KLF12: variants seen among roughly 807,000 people sequenced by gnomAD.
The protein encoded by KLF12 is KLF transcription factor 12.
Under a neutral mutation model 37.8 loss-of-function variants are expected in KLF12, and 9 were observed. The ratio of observed to expected loss-of-function variants is 0.24; its 90% CI spans 0.14 to 0.42. The LOEUF is 0.42. Ranked by LOEUF, KLF12 falls within the 10% of genes least tolerant of loss-of-function variation. The pLI, the probability that KLF12 is intolerant of heterozygous loss-of-function variation, is 1.00. For synonymous variants in KLF12, 208 were observed against 202.1 expected (o/e 1.03, Z -0.25); for missense variants, 411 against 516.0 (o/e 0.80, Z 1.97).
At chr13:73,809,378 A>G (rs931236254) in intron 5 of KLF12, among the ~76,000 whole-genome samples, 1 of 152,186 alleles carries the variant, frequency 6.6e-6, no homozygotes, top group African/African-American at 2.4e-5. Flanking sequence ...CAAACAGAAA[A>G]AGAAGAAAGA....
intron 1 of KLF12, among the ~76,000 whole-genome samples, chr13:74,016,305 C>T (rs1229153078): frequency 6.6e-6 from 1 of 151,932 alleles, no homozygotes; most frequent in East Asian, 1.9e-4. Flanking sequence ...ATTAGAATGG[C>T]AAAAAGACAA....
the KLF12 span, among the ~76,000 whole-genome samples, chr13:74,147,100 ACTGTGGTT>A: frequency 3.3e-5 from 5 of 152,130 alleles, no homozygotes; most frequent in Admixed American, 1.3e-4. Context: ...TTATACCCTC[ACTGTGGTT>A]CATGGCTAAG....
At chr13:73,703,025 G>A (rs1406077317) in intron 7 of KLF12, among the ~76,000 whole-genome samples, 2 of 152,098 alleles carry the variant, frequency 1.3e-5, no homozygotes, top group African/African-American at 4.8e-5. Flanking sequence ...ATCTGAAAGA[G>A]CACACAGCCA....
In KLF12 at chr13:73,689,678, A is replaced by C. The variant is rs1325821079; in HGVS notation, c.*5812T>G. On this transcript the variant is annotated 3_prime_UTR_variant, in exon 8 of 8. Transcript: ENST00000377669. ...TCAACAGACTTTTTGGGGAGAAATGATTCTGTCAATATTCATTCCAAAATG... is the reference window on the plus strand; with the variant it reads ...TCAACAGACTTTTTGGGGAGAAATGCTTCTGTCAATATTCATTCCAAAATG... The C allele has an allele frequency of 6.6e-6, 1 of 152,166 alleles. No homozygotes were observed. 9.4% of individuals were successfully genotyped at this position (152,166 alleles called of 1,614,324 possible). A position where few individuals can be genotyped will look rare whatever the true frequency, so the allele number is the denominator to read the frequency against.
At chr13:74,046,895 T>C (rs989385581) in intron 1 of KLF12, among the ~76,000 whole-genome samples, 1 of 152,212 alleles carries the variant, frequency 6.6e-6, no homozygotes. Flanking sequence ...ATTATATATC[T>C]TAAATTTTAT....
At chr13:74,099,521 C>T (rs559188124) in intron 1 of KLF12, among the ~76,000 whole-genome samples, 13 of 152,294 alleles carry the variant, frequency 8.5e-5, no homozygotes, top group Admixed American at 7.2e-4. Context: ...TTAGATTCTG[C>T]AACTCTCAGG....
the KLF12 span, among the ~76,000 whole-genome samples, chr13:74,280,441 C>T: frequency 6.6e-6 from 1 of 152,148 alleles, no homozygotes; most frequent in Non-Finnish European, 1.5e-5. Context: ...GCCTTATTAT[C>T]TGATTTACCC....
At position 73,783,405 on chromosome 13, in the gene KLF12, G is replaced by A. The variant is rs147898447; in HGVS notation, c.807-18405C>T. ...TAAACTAAATAGAATAAGTTCCAGC[G>A]TTTGATAGAGCACAGTAGGGTGACT... On this transcript the variant is annotated intron_variant, in intron 5 of 7. Coordinates refer to ENST00000377669, the MANE Select transcript of KLF12 (RefSeq NM_007249.5). 5.3e-3 allele frequency among the ~76,000 whole-genome samples: 799 copies of A among 152,176 alleles called. 9 individuals carry two copies. The highest frequency in any genetic ancestry group is 0.018 in the African/African-American group (756 of 41,530).
rs560704965 is a variant in KLF12, at chr13:73,766,851, A to T, written c.807-1851T>A. Reference sequence around the variant, plus strand: ...AAAAAGAGAGTCTGTTTAATCCATAATTACAACATTGTCTAGGTATTTGTA... The same window carrying T: ...AAAAAGAGAGTCTGTTTAATCCATATTTACAACATTGTCTAGGTATTTGTA... On this transcript the variant is annotated intron_variant, in intron 5 of 7. Coordinates refer to ENST00000377669, the MANE Select transcript of KLF12 (RefSeq NM_007249.5). 3.0e-4 allele frequency among the ~76,000 whole-genome samples: 46 copies of T among 152,290 alleles called. 2 individuals are homozygous for T. The South Asian group carries it at 9.3e-3, about 31-fold the overall frequency.
upstream of KLF12, among the ~76,000 whole-genome samples, chr13:74,135,553 G>T (rs973695031): frequency 1.3e-5 from 2 of 151,152 alleles, no homozygotes; most frequent in African/African-American, 4.8e-5. Flanking sequence ...CGCCGAGCCG[G>T]AGGGTCGGCG....
chr13:74,136,514 GT>G (rs1878559626), upstream of KLF12, among the ~76,000 whole-genome samples: 1 of 152,228 alleles, frequency 6.6e-6, no homozygotes, highest in Admixed American at 6.5e-5. Flanking sequence ...GAAGGATGCT[GT>G]AAGAAATTAT....
intron 1 of KLF12, among the ~76,000 whole-genome samples, chr13:74,118,067 T>A (rs1031837060): frequency 2.0e-5 from 3 of 152,110 alleles, no homozygotes; most frequent in African/African-American, 4.8e-5. Context: ...TCATTACACA[T>A]TGTTAGTTTT....
At chr13:74,000,487 A>C (rs923230071) in intron 1 of KLF12, among the ~76,000 whole-genome samples, 4 of 152,202 alleles carry the variant, frequency 2.6e-5, no homozygotes, top group African/African-American at 9.7e-5. Flanking sequence ...GTCGACTTAA[A>C]ATACTTCATT....
At chr13:74,120,679 A>G (rs1336769629) in intron 1 of KLF12, among the ~76,000 whole-genome samples, 2 of 152,082 alleles carry the variant, frequency 1.3e-5, no homozygotes, top group African/African-American at 4.8e-5. Context: ...TTTAAAGCAA[A>G]CACAGTAGCC....
chr13:74,045,387 C>CA (rs1893516536), intron 1 of KLF12, among the ~76,000 whole-genome samples: 1 of 152,110 alleles, frequency 6.6e-6, no homozygotes, highest in South Asian at 2.1e-4. Context: ...AGACACTCTA[C>CA]AAAATACCCG....
chr13:74,266,714 T>C, the KLF12 span, among the ~76,000 whole-genome samples: 1 of 152,218 alleles, frequency 6.6e-6, no homozygotes, highest in Non-Finnish European at 1.5e-5. Context: ...TGCTTCTTCC[T>C]GATTTCCTGG....
Position 73,784,631 on chromosome 13 carries a change from C to CTT in KLF12, c.807-19633_807-19632dup, listed in dbSNP as rs555038538. ...CATCTCTGACATACTTCCTCATCTC[C>CTT]TTTTTTTTTTTTTTTTTGAGAAGGA... On this transcript the variant is annotated intron_variant, in intron 5 of 7. Transcript: ENST00000377669. 9.3e-3 allele frequency among the ~76,000 whole-genome samples: 1,270 copies of CTT among 136,820 alleles called. 24 individuals are homozygous for CTT. The highest frequency in any genetic ancestry group is 0.032 in the African/African-American group (1,180 of 36,624). 89.8% of individuals were successfully genotyped at this position (136,820 alleles called of 152,430 possible).
chr13:74,082,178 A>AAAAAAAAAAAAG, intron 1 of KLF12, among the ~76,000 whole-genome samples: 1 of 150,816 alleles, frequency 6.6e-6, no homozygotes, highest in African/African-American at 2.4e-5. Context: ...AAAAAAAAAA[A>AAAAAAAAAAAAG]CAAAGTTAGC....
chr13:74,280,453 T>C, the KLF12 span, among the ~76,000 whole-genome samples: 2 of 152,220 alleles, frequency 1.3e-5, no homozygotes, highest in African/African-American at 4.8e-5. Flanking sequence ...GATTTACCCT[T>C]AAGCCATATA....
Sources: gnomAD v4.1 joint callset for allele counts (sites outside exome capture counted in the v4.1 genomes callset) on GRCh38, gnomAD v4.1.1 for gene constraint, MANE v1.5 for transcripts, NCBI Gene and HGNC (gene_info 2026-07-23, HGNC 2026-07-21) for gene names.